ANKS1B: variants seen among roughly 807,000 people sequenced by gnomAD.
ANKS1B encodes the protein ankyrin repeat and sterile alpha motif domain-containing protein 1B.
Under a neutral mutation model 148.3 loss-of-function variants are expected in ANKS1B, and 36 were observed. The observed-to-expected ratio is 0.24, with a 90% CI of 0.19 to 0.32. ANKS1B has a LOEUF of 0.32. Among genes scored for constraint, ANKS1B ranks in the 10% least tolerant of loss-of-function variants. The pLI, the probability that ANKS1B is intolerant of heterozygous loss-of-function variation, is 1.00. For synonymous variants in ANKS1B, 542 were observed against 560.8 expected (o/e 0.97, Z 0.47); for missense variants, 1,157 against 1,542.6 (o/e 0.75, Z 4.19).
At chr12:99,017,411 T>G (rs1376622760) in intron 17 of ANKS1B, among the ~76,000 whole-genome samples, 1 of 152,276 alleles carries the variant, frequency 6.6e-6, no homozygotes. Context: ...AGGAATCATG[T>G]GACCAGAGGT....
chr12:99,491,352 T>C (rs1309780944), intron 10 of ANKS1B, among the ~76,000 whole-genome samples: 1 of 152,116 alleles, frequency 6.6e-6, no homozygotes, highest in East Asian at 1.9e-4. Context: ...AATTACACAA[T>C]TGTGAGTTCC....
intron 14 of ANKS1B, among the ~76,000 whole-genome samples, chr12:99,237,099 A>T (rs150686288): frequency 2.1e-3 from 322 of 152,308 alleles, no homozygotes; most frequent in Non-Finnish European, 3.3e-3. Flanking sequence ...CATAAAATAA[A>T]AGTTAAAAAA....
chr12:99,203,611 C>T (rs74629907), intron 14 of ANKS1B, among the ~76,000 whole-genome samples: 2 of 152,074 alleles, frequency 1.3e-5, no homozygotes, highest in South Asian at 2.1e-4. Flanking sequence ...CCACCAAGCC[C>T]GACAAATTTT....
In ANKS1B at chr12:99,504,597, T is replaced by C. The variant is rs746449724; in HGVS notation, c.1317A>G (p.Pro439=). The C allele has an allele frequency of 6.8e-6, 11 of 1,610,098 alleles. No individual in the cohort carries two copies. The highest frequency in any genetic ancestry group is 1.7e-5 in the Admixed American group (1 of 59,420). The change falls in exon 10 of 27, where the codon CCA becomes CCG. Residue 439 remains proline (P), a synonymous_variant. Coordinates refer to ENST00000683438, the MANE Select transcript of ANKS1B (RefSeq NM_001352186.2). ...KKRNYTMEIV[P]SASLDTFPSE... is the part of the protein sequence containing the mutation. ...AAGGAAATGTATCCAGAGAAGCAGA[T>C]GGTACAATTTCCATAGTGTAATTTC...
chr12:99,959,124 G>C (rs1448594680), intron 1 of ANKS1B, among the ~76,000 whole-genome samples: 5 of 147,708 alleles, frequency 3.4e-5, no homozygotes, highest in Admixed American at 6.8e-5. Context: ...GGCATGGCGC[G>C]ATCTTGGCTC....
chr12:99,807,762 C>CA (rs1321728855), intron 3 of ANKS1B, among the ~76,000 whole-genome samples: 1 of 152,038 alleles, frequency 6.6e-6, no homozygotes, highest in Admixed American at 6.5e-5. Context: ...GTTATACAGC[C>CA]ATTTAGTGGT....
In ANKS1B at chr12:99,543,725, T is replaced by C. The variant is rs139002932; in HGVS notation, c.1273-39084A>G. 2.8e-4 allele frequency among the ~76,000 whole-genome samples: 43 copies of C among 152,178 alleles called. 2 individuals carry two copies. In the East Asian group the frequency reaches 8.1e-3, roughly 29 times the overall value. ...ACAACATAAATAAACTTTAAAAACA[T>C]TATGCTAAGTGAGAAAAAAACAGAT... On this transcript the variant is annotated intron_variant, in intron 9 of 26. Coordinates refer to ENST00000683438, the MANE Select transcript of ANKS1B (RefSeq NM_001352186.2).
chr12:98,864,201 G>A (rs1189209801), intron 17 of ANKS1B, among the ~76,000 whole-genome samples: 3 of 151,142 alleles, frequency 2.0e-5, no homozygotes, highest in South Asian at 4.2e-4. Context: ...CTTATGGTAC[G>A]TGTGATATTT....
chr12:99,256,976 T>G (rs1489241588), intron 12 of ANKS1B, among the ~76,000 whole-genome samples: 1 of 152,126 alleles, frequency 6.6e-6, no homozygotes, highest in African/African-American at 2.4e-5. Flanking sequence ...CCGGGTGCAG[T>G]GGCTCATGCC....
chr12:99,650,290 C>G (rs2098409920), intron 9 of ANKS1B, among the ~76,000 whole-genome samples: 1 of 149,320 alleles, frequency 6.7e-6, no homozygotes, highest in South Asian at 2.4e-4. Context: ...TACACACACA[C>G]AGACTCTCTC....
chr12:99,381,789 C>A (rs148977603), intron 12 of ANKS1B, among the ~76,000 whole-genome samples: 2 of 152,270 alleles, frequency 1.3e-5, no homozygotes, highest in African/African-American at 2.4e-5. Context: ...ATGAAGAAGA[C>A]CTTTCACATT....
At chr12:99,125,432 G>C (rs1186299541) in intron 15 of ANKS1B, among the ~76,000 whole-genome samples, 1 of 152,118 alleles carries the variant, frequency 6.6e-6, no homozygotes, top group Non-Finnish European at 1.5e-5. Flanking sequence ...TGTACCCAGG[G>C]CTCTTTTCTG....
intron 11 of ANKS1B, among the ~76,000 whole-genome samples, chr12:99,403,157 T>C (rs1364079787): frequency 9.3e-6 from 1 of 107,484 alleles, no homozygotes; most frequent in Non-Finnish European, 1.9e-5. Flanking sequence ...TCTTTCTTTT[T>C]TTTTTTTTTT....
chr12:99,685,157 T>G (rs1429104855), intron 8 of ANKS1B, among the ~76,000 whole-genome samples: 1 of 151,638 alleles, frequency 6.6e-6, no homozygotes, highest in African/African-American at 2.4e-5. Context: ...TGGGAGAAAA[T>G]CATCACAAAC....
At chr12:99,662,916 G>C (rs2098484656) in intron 8 of ANKS1B, among the ~76,000 whole-genome samples, 2 of 151,766 alleles carry the variant, frequency 1.3e-5, no homozygotes, top group South Asian at 4.2e-4. Context: ...GTTTTCATTA[G>C]CTCTTTAAAT....
chr12:98,740,336 T>C (rs1040981916), downstream of ANKS1B, among the ~76,000 whole-genome samples: 9 of 152,142 alleles, frequency 5.9e-5, no homozygotes, highest in Admixed American at 2.6e-4. Flanking sequence ...CCCAACCAAC[T>C]CATTGCCAGT....
At chr12:99,438,129 T>C (rs965197192) in intron 11 of ANKS1B, among the ~76,000 whole-genome samples, 2 of 151,912 alleles carry the variant, frequency 1.3e-5, no homozygotes, top group Admixed American at 6.6e-5. Flanking sequence ...TGATTCTCTC[T>C]CTCTTTTTTG....
At chr12:99,892,822 A>T (rs1403199684) in intron 1 of ANKS1B, among the ~76,000 whole-genome samples, 3 of 152,314 alleles carry the variant, frequency 2.0e-5, no homozygotes, top group African/African-American at 7.2e-5. Context: ...GGGACAAAAT[A>T]CTAAAATGAA....
chr12:99,088,652 T>G (rs1415968452), intron 15 of ANKS1B, among the ~76,000 whole-genome samples: 11 of 152,064 alleles, frequency 7.2e-5, no homozygotes, highest in African/African-American at 2.7e-4. Context: ...GTACGGATTC[T>G]TATAGCTTTT....
Sources: gnomAD v4.1 joint callset for allele counts (sites outside exome capture counted in the v4.1 genomes callset) on GRCh38, gnomAD v4.1.1 for gene constraint, MANE v1.5 for transcripts, NCBI Gene and HGNC (gene_info 2026-07-23, HGNC 2026-07-21) for gene names.